Variants in USP32 observed in about 807,000 individuals in gnomAD.
USP32 encodes ubiquitin specific peptidase 32, also known as ubiquitin carboxyl-terminal hydrolase 32.
In USP32, 59 loss-of-function variants were observed where a neutral mutation model predicts 204.8. That is an observed-to-expected ratio of 0.29 (90% CI 0.23 to 0.36). The LOEUF (loss-of-function observed/expected upper bound fraction) is 0.36. USP32 is among the 10% of genes least tolerant of loss of function. USP32 has a pLI of 1.00. For synonymous variants in USP32, 517 were observed against 678.4 expected (o/e 0.76, Z 3.70); for missense variants, 1,160 against 1,946.4 (o/e 0.60, Z 7.60).
At chr17:60,311,248 C>T (rs1322489004) in intron 2 of USP32, among the ~76,000 whole-genome samples, 1 of 151,844 alleles carries the variant, frequency 6.6e-6, no homozygotes. Context: ...ATGTACCCCC[C>T]AAAAAATGTA....
chr17:60,331,892 C>T (rs1455275471), intron 2 of USP32, among the ~76,000 whole-genome samples: 1 of 143,902 alleles, frequency 6.9e-6, no homozygotes, highest in Admixed American at 7.1e-5. Context: ...GAGTAAGACC[C>T]CATCTCAAAA....
In USP32 at chr17:60,391,968, G is replaced by C. The variant is rs752488963; in HGVS notation, c.-29C>G. Reference sequence around the variant, plus strand: ...CCCCTCATCCCCTCGGCGGGGGGTCGGAGCCTGATCTCGCCCCCACCCCCC... The same window carrying C: ...CCCCTCATCCCCTCGGCGGGGGGTCCGAGCCTGATCTCGCCCCCACCCCCC... On this transcript the variant is annotated 5_prime_UTR_variant, in exon 1 of 34. Transcript: ENST00000300896. 1.2e-6 allele frequency: 2 copies of C among 1,604,322 alleles called. No individual in the cohort carries two copies. The highest frequency in any genetic ancestry group is 8.5e-7 in the Non-Finnish European group (1 of 1,175,746).
intron 11 of USP32, among the ~76,000 whole-genome samples, chr17:60,239,957 G>A (rs553340681): frequency 2.0e-5 from 3 of 152,214 alleles, no homozygotes; most frequent in East Asian, 1.9e-4. Flanking sequence ...GGCTGGTCTC[G>A]AACTCCTGAC....
intron 1 of USP32, among the ~76,000 whole-genome samples, chr17:60,356,344 A>G (rs1418024638): frequency 6.6e-6 from 1 of 152,152 alleles, no homozygotes; most frequent in Admixed American, 6.6e-5. Flanking sequence ...GAAATCCAAA[A>G]GGCCACCTGC....
At chr17:60,251,851 A>G (rs1298934550) in intron 11 of USP32, among the ~76,000 whole-genome samples, 1 of 152,098 alleles carries the variant, frequency 6.6e-6, no homozygotes, top group African/African-American at 2.4e-5. Flanking sequence ...ATTTAAAATT[A>G]TATTCAAAGA....
chr17:60,337,126 T>A (rs2088541695), intron 2 of USP32, among the ~76,000 whole-genome samples: 4 of 152,188 alleles, frequency 2.6e-5, no homozygotes, highest in African/African-American at 9.6e-5. Context: ...CAAATACAAA[T>A]CACTATTCTG....
At chr17:60,289,380 A>G (rs2087211233) in intron 4 of USP32, among the ~76,000 whole-genome samples, 1 of 152,192 alleles carries the variant, frequency 6.6e-6, no homozygotes, top group Non-Finnish European at 1.5e-5. Flanking sequence ...GCACTCTTCA[A>G]TCTGCCTGAG....
chr17:60,254,575 T>A (rs1181937547), intron 10 of USP32, among the ~76,000 whole-genome samples: 2 of 152,188 alleles, frequency 1.3e-5, no homozygotes, highest in African/African-American at 4.8e-5. Flanking sequence ...GGCACATGCC[T>A]ATAGTCCCAG....
At chr17:60,242,359 T>TA (rs1328442386) in intron 11 of USP32, among the ~76,000 whole-genome samples, 1 of 152,150 alleles carries the variant, frequency 6.6e-6, no homozygotes, top group East Asian at 1.9e-4. Context: ...TTGACATCTT[T>TA]AAAAAACAAT....
chr17:60,196,183 CT>C (rs2145428915), intron 27 of USP32, among the ~76,000 whole-genome samples: 2 of 150,968 alleles, frequency 1.3e-5, no homozygotes, highest in East Asian at 3.9e-4. Context: ...AGAAGAATTG[CT>C]TGAACCTGGG....
intron 11 of USP32, chr17:60,249,630 G>T (rs1160217035): frequency 3.0e-6 from 2 of 660,552 alleles, no homozygotes; most frequent in South Asian, 1.7e-5. Flanking sequence ...CTTGCTGGAT[G>T]GGAGGAAATG....
chr17:60,179,571 G>A (rs920880989), intron 33 of USP32, 143 bp from the exon 34 acceptor site: 9 of 1,030,956 alleles, frequency 8.7e-6, no homozygotes, highest in Non-Finnish European at 1.3e-5. Flanking sequence ...TCTCACACCT[G>A]CCCCTTTAAG....
In USP32 at chr17:60,243,414, G is replaced by A. The variant is rs536135302; in HGVS notation, c.1137-7174C>T. ...TACAATGTTGATAAGTGCGGCAAAA[G>A]CAAGTATCCTTTCCTGATCTTATGG... On this transcript the variant is annotated intron_variant, in intron 11 of 33. Coordinates refer to ENST00000300896, the MANE Select transcript of USP32 (RefSeq NM_032582.4). 1.2e-3 allele frequency among the ~76,000 whole-genome samples: 188 copies of A among 152,244 alleles called. 1 individual carries two copies. The highest frequency in any genetic ancestry group is 4.4e-3 in the African/African-American group (184 of 41,546).
chr17:60,261,261 A>G (rs192935749), intron 9 of USP32, among the ~76,000 whole-genome samples: 25 of 152,376 alleles, frequency 1.6e-4, no homozygotes, highest in Non-Finnish European at 3.7e-4. Context: ...GGAAAATCAC[A>G]GTGAAATATG....
chr17:60,345,240 A>T (rs148243877), intron 2 of USP32, among the ~76,000 whole-genome samples: 64 of 152,348 alleles, frequency 4.2e-4, no homozygotes, highest in African/African-American at 1.5e-3. Context: ...CTATGATCAT[A>T]ATCAGTGGCT....
chr17:60,198,475 C>G, intron 26 of USP32, 31 bp from the exon 27 acceptor site: 1 of 1,607,864 alleles, frequency 6.2e-7, no homozygotes, highest in South Asian at 1.1e-5. Flanking sequence ...ATAGAGAGTT[C>G]AGAAGACAGG....
chr17:60,202,180 C>G (rs1486725087), intron 26 of USP32, among the ~76,000 whole-genome samples: 1 of 152,140 alleles, frequency 6.6e-6, no homozygotes, highest in Non-Finnish European at 1.5e-5. Flanking sequence ...TCTCTCACCA[C>G]TCTGCAATGT....
chr17:60,319,131 G>C (rs2088053578), intron 2 of USP32, among the ~76,000 whole-genome samples: 1 of 152,184 alleles, frequency 6.6e-6, no homozygotes, highest in South Asian at 2.1e-4. Flanking sequence ...CCGAGTTTCT[G>C]TTTGGGATGA....
intron 1 of USP32, among the ~76,000 whole-genome samples, chr17:60,417,467 T>G (rs74922333): frequency 0.14 from 20,933 of 151,296 alleles, 3,102 homozygotes; most frequent in African/African-American, 0.37. Flanking sequence ...TTTTTTTTTT[T>G]TTTGTGACAG....
Sources: gnomAD v4.1 joint callset for allele counts (sites outside exome capture counted in the v4.1 genomes callset) on GRCh38, gnomAD v4.1.1 for gene constraint, MANE v1.5 for transcripts, NCBI Gene and HGNC (gene_info 2026-07-23, HGNC 2026-07-21) for gene names.